Variants in OXCT1 observed in about 807,000 individuals in gnomAD.
The protein encoded by OXCT1 is succinyl-CoA:3-ketoacid coenzyme A transferase 1, mitochondrial.
A neutral mutation model predicts 69.6 loss-of-function variants in OXCT1; 27 were observed. The ratio of observed to expected loss-of-function variants is 0.39; its 90% confidence interval spans 0.29 to 0.54. The LOEUF is 0.54. Among genes scored for constraint, OXCT1 ranks in the 20% least tolerant of loss-of-function variants. The pLI, the probability that OXCT1 is intolerant of heterozygous loss-of-function variation, is 0.72. For synonymous variants in OXCT1, 202 were observed against 217.8 expected (o/e 0.93, Z 0.64); for missense variants, 437 against 650.2 (o/e 0.67, Z 3.57).
intron 13 of OXCT1, among the ~76,000 whole-genome samples, chr5:41,775,027 A>G (rs1159415178): frequency 1.3e-5 from 2 of 152,222 alleles, no homozygotes; most frequent in African/African-American, 4.8e-5. Context: ...GAGAAGAGAC[A>G]AATCTTCTCT....
chr5:41,806,290 T>C (rs1361596126), intron 8 of OXCT1, among the ~76,000 whole-genome samples: 1 of 152,092 alleles, frequency 6.6e-6, no homozygotes, highest in Non-Finnish European at 1.5e-5. Context: ...AATGTCTTCC[T>C]GTTTGATATC....
intron 7 of OXCT1, among the ~76,000 whole-genome samples, chr5:41,836,529 G>A (rs930169728): frequency 6.6e-6 from 1 of 152,120 alleles, no homozygotes; most frequent in African/African-American, 2.4e-5. Context: ...TTTTTTGGCT[G>A]GTACTAGGGA....
rs536490393 is a variant in OXCT1 at position 41,812,770 on chromosome 5, A to T, written c.733-5332T>A. Among the ~76,000 whole-genome samples, 13 of 152,112 alleles carry T rather than the reference A, an allele frequency of 8.5e-5. No homozygotes were observed. The East Asian group carries it at 1.6e-3, about 18-fold the overall frequency. ...GTAGAACTAGTATGATTATGAAGAA[A>T]TTCAATTCCAAGAAGAGCTACCCAG... On this transcript the variant is annotated intron_variant, in intron 7 of 16. Coordinates refer to ENST00000196371, the MANE Select transcript of OXCT1 (RefSeq NM_000436.4).
At chr5:41,742,581 A>G (rs952129316) in intron 15 of OXCT1, among the ~76,000 whole-genome samples, 1 of 152,150 alleles carries the variant, frequency 6.6e-6, no homozygotes, top group African/African-American at 2.4e-5. Flanking sequence ...TGCTGCACCC[A>G]TTAACTCTTC....
At chr5:41,814,439 G>A (rs527925865) in intron 7 of OXCT1, among the ~76,000 whole-genome samples, 8 of 151,898 alleles carry the variant, frequency 5.3e-5, no homozygotes, top group South Asian at 2.1e-4. Flanking sequence ...TGTTTATTGC[G>A]GCTCTATTCA....
Position 41,731,510 on chromosome 5 carries a change from C to A in OXCT1, c.*219G>T. 2.2e-6 allele frequency: 2 copies of A among 899,938 alleles called. No individual in the cohort carries two copies. The highest frequency in any genetic ancestry group is 3.0e-5 in the East Asian group (1 of 33,530). The allele number at this position is 899,938 out of a possible 1,614,324, so 55.7% of individuals were successfully genotyped here. On this transcript the variant is annotated 3_prime_UTR_variant, in exon 17 of 17. Transcript: ENST00000196371. ...CCTATTATAAAAACAACCTTCTCAG[C>A]CTTAACAAATGAGATAATTATAAAT...
chr5:41,852,988 T>A (rs1579883145), intron 4 of OXCT1, among the ~76,000 whole-genome samples: 1 of 152,012 alleles, frequency 6.6e-6, no homozygotes, highest in East Asian at 1.9e-4. Context: ...GGAGAATTGC[T>A]TGAACTCGGG....
chr5:41,807,602 A>G (rs1430067155), intron 7 of OXCT1, among the ~76,000 whole-genome samples, 164 bp from the exon 8 acceptor site: 2 of 152,104 alleles, frequency 1.3e-5, no homozygotes, highest in Non-Finnish European at 2.9e-5. Flanking sequence ...GGTAATGTCT[A>G]TCACACCTCC....
At chr5:41,752,621 T>C (rs567147718) in intron 14 of OXCT1, among the ~76,000 whole-genome samples, 76 of 152,098 alleles carry the variant, frequency 5.0e-4, no homozygotes, top group African/African-American at 1.6e-3. Context: ...GTTGTGTCTG[T>C]GCGTGCCTGT....
intron 13 of OXCT1, among the ~76,000 whole-genome samples, chr5:41,763,211 C>G (rs1396237213): frequency 6.6e-6 from 1 of 151,912 alleles, no homozygotes; most frequent in Non-Finnish European, 1.5e-5. Flanking sequence ...TGAAACAGAA[C>G]ATGAACATGA....
chr5:41,794,891 A>G, intron 11 of OXCT1, 142 bp from the exon 12 acceptor site: 1 of 778,912 alleles, frequency 1.3e-6, no homozygotes, highest in Non-Finnish European at 2.1e-6. Context: ...AGGTGGGGGG[A>G]CACAGTAGGA....
intron 13 of OXCT1, among the ~76,000 whole-genome samples, chr5:41,765,356 T>C (rs1011913341): frequency 3.3e-5 from 5 of 152,266 alleles, no homozygotes; most frequent in African/African-American, 1.2e-4. Context: ...CAAAGCGACT[T>C]TGGAAGATGG....
intron 12 of OXCT1, chr5:41,794,447 T>C (rs1189908565): frequency 1.6e-6 from 1 of 606,144 alleles, no homozygotes; most frequent in East Asian, 2.7e-5. Context: ...TTCAGTATGG[T>C]TGGCACAAAG....
intron 7 of OXCT1, among the ~76,000 whole-genome samples, chr5:41,830,786 T>C (rs898743803): frequency 1.9e-4 from 29 of 152,188 alleles, no homozygotes; most frequent in African/African-American, 7.0e-4. Context: ...CTTTTAAAAC[T>C]GTATCATTAG....
At chr5:41,828,546 A>C (rs1321424661) in intron 7 of OXCT1, among the ~76,000 whole-genome samples, 4 of 152,194 alleles carry the variant, frequency 2.6e-5, no homozygotes, top group African/African-American at 9.7e-5. Flanking sequence ...TTAATGTCAG[A>C]TCTATTGACA....
chr5:41,868,350 A>C (rs997841796), intron 1 of OXCT1, among the ~76,000 whole-genome samples: 1 of 152,146 alleles, frequency 6.6e-6, no homozygotes, highest in African/African-American at 2.4e-5. Context: ...GCCATCGGGG[A>C]ACTGTCATCT....
At chr5:41,844,199 G>A (rs1748782076) in intron 5 of OXCT1, among the ~76,000 whole-genome samples, 1 of 152,162 alleles carries the variant, frequency 6.6e-6, no homozygotes, top group Non-Finnish European at 1.5e-5. Context: ...TGTCAAACTA[G>A]CTATTATACT....
At chr5:41,746,296 G>T (rs773293507) in intron 15 of OXCT1, among the ~76,000 whole-genome samples, 1 of 151,836 alleles carries the variant, frequency 6.6e-6, no homozygotes, top group African/African-American at 2.4e-5. Context: ...ACCAAGGAAC[G>T]CATCTTTCAT....
chr5:41,773,944 C>T (rs1745004136), intron 13 of OXCT1, among the ~76,000 whole-genome samples: 4 of 152,110 alleles, frequency 2.6e-5, no homozygotes. Flanking sequence ...AGTTAAGGTA[C>T]ATGTTAAAGC....
Sources: allele counts gnomAD v4.1 joint callset (sites outside exome capture counted in the v4.1 genomes callset), GRCh38; gene constraint gnomAD v4.1.1; transcripts MANE v1.5; gene names NCBI Gene and HGNC (gene_info 2026-07-23, HGNC 2026-07-21).